LRRC4C: variants seen among roughly 807,000 people sequenced by gnomAD.
LRRC4C encodes the protein leucine-rich repeat-containing protein 4C.
A neutral mutation model predicts 33.6 loss-of-function variants in LRRC4C; 5 were observed. The ratio of observed to expected loss-of-function variants is 0.15; its 90% CI spans 0.08 to 0.31. The LOEUF (loss-of-function observed/expected upper bound fraction) is 0.31. Among genes scored for constraint, LRRC4C ranks in the 10% least tolerant of loss-of-function variants. The probability of loss-of-function intolerance (pLI) is 1.00; values close to 1 mark genes in which losing one functional copy is unlikely to be tolerated. For missense variants in LRRC4C, 560 were observed against 796.7 expected (o/e 0.70, Z 3.58); for synonymous variants, 329 against 302.0 (o/e 1.09, Z -0.93).
chr11:40,336,883 A>G (rs1283600642), intron 3 of LRRC4C, among the ~76,000 whole-genome samples: 3 of 146,940 alleles, frequency 2.0e-5, no homozygotes, highest in East Asian at 2.1e-4. Flanking sequence ...AGGCTGAGGC[A>G]GGAGAATGGC....
chr11:40,860,280 A>G (rs1194925299), intron 2 of LRRC4C, among the ~76,000 whole-genome samples: 11 of 152,126 alleles, frequency 7.2e-5, no homozygotes, highest in Admixed American at 5.2e-4. Context: ...TAGAGGGAAT[A>G]TAAGTGTATC....
At chr11:41,011,979 T>A (rs55774938) in intron 1 of LRRC4C, among the ~76,000 whole-genome samples, 6,008 of 150,770 alleles carry the variant, frequency 0.04, 166 homozygotes, top group South Asian at 0.098. Context: ...GATGTGTATA[T>A]TTTTTCAGGG....
intron 1 of LRRC4C, among the ~76,000 whole-genome samples, chr11:41,326,807 G>A (rs1951134109): frequency 6.6e-6 from 1 of 152,124 alleles, no homozygotes; most frequent in South Asian, 2.1e-4. Context: ...TATGTGTTAA[G>A]AAAAAGGGCT....
chr11:41,233,430 A>T (rs1335678103), intron 1 of LRRC4C, among the ~76,000 whole-genome samples: 3 of 152,000 alleles, frequency 2.0e-5, no homozygotes, highest in African/African-American at 2.4e-5. Flanking sequence ...AGTCATAAAA[A>T]CTCTGCAATA....
At chr11:40,170,750 A>G (rs539300952) in intron 5 of LRRC4C, among the ~76,000 whole-genome samples, 1 of 152,314 alleles carries the variant, frequency 6.6e-6, no homozygotes, top group Non-Finnish European at 1.5e-5. Context: ...GTGAATTTAC[A>G]CTTCTGCCTT....
chr11:40,866,375 A>AATGTTAAT (rs1954371057), intron 2 of LRRC4C, among the ~76,000 whole-genome samples: 1 of 152,188 alleles, frequency 6.6e-6, no homozygotes, highest in Non-Finnish European at 1.5e-5. Context: ...CAAAGCATTA[A>AATGTTAAT]ATGTTAATGA....
chr11:40,128,608 A>G (rs1856427581), intron 6 of LRRC4C, among the ~76,000 whole-genome samples: 1 of 152,114 alleles, frequency 6.6e-6, no homozygotes, highest in Non-Finnish European at 1.5e-5. Flanking sequence ...ACAAAATGCA[A>G]ACTGCTTTGG....
chr11:40,537,896 A>G (rs1360454390), intron 3 of LRRC4C, among the ~76,000 whole-genome samples: 1 of 152,096 alleles, frequency 6.6e-6, no homozygotes, highest in Non-Finnish European at 1.5e-5. Context: ...AGCCCTGTCT[A>G]CTCAGCTGCA....
intron 2 of LRRC4C, among the ~76,000 whole-genome samples, chr11:40,765,915 A>G (rs1377884413): frequency 1.3e-5 from 2 of 152,070 alleles, no homozygotes; most frequent in Non-Finnish European, 2.9e-5. Context: ...AGTTTATTCA[A>G]AGGGATAATA....
At chr11:40,344,904 G>C (rs558264676) in intron 3 of LRRC4C, among the ~76,000 whole-genome samples, 37 of 151,932 alleles carry the variant, frequency 2.4e-4, no homozygotes, top group Non-Finnish European at 4.6e-4. Flanking sequence ...TCATTCACAA[G>C]AGCTACAAAG....
chr11:40,714,186 C>A (rs1219474690), intron 2 of LRRC4C, among the ~76,000 whole-genome samples: 2 of 152,112 alleles, frequency 1.3e-5, no homozygotes, highest in East Asian at 1.9e-4. Context: ...GATGACTGTA[C>A]CCTGGCAACA....
intron 5 of LRRC4C, among the ~76,000 whole-genome samples, chr11:40,155,444 T>G (rs2135284952): frequency 6.6e-6 from 1 of 151,872 alleles, no homozygotes; most frequent in African/African-American, 2.4e-5. Context: ...TACATAAAAT[T>G]GATAGACCAT....
At chr11:40,627,353 A>G (rs577180803) in intron 3 of LRRC4C, among the ~76,000 whole-genome samples, 2 of 152,214 alleles carry the variant, frequency 1.3e-5, no homozygotes, top group East Asian at 1.9e-4. Context: ...TGAAACATCA[A>G]TTATGATTTT....
intron 3 of LRRC4C, among the ~76,000 whole-genome samples, chr11:40,367,507 C>T (rs1948262741): frequency 6.6e-6 from 1 of 151,858 alleles, no homozygotes; most frequent in South Asian, 2.1e-4. Context: ...TTTCACAATG[C>T]AATGCATGGA....
At chr11:40,737,109 T>G (rs1947909885) in intron 2 of LRRC4C, among the ~76,000 whole-genome samples, 1 of 152,038 alleles carries the variant, frequency 6.6e-6, no homozygotes, top group South Asian at 2.1e-4. Context: ...TAAGTTTTCT[T>G]CTATGGTTTT....
intron 3 of LRRC4C, among the ~76,000 whole-genome samples, chr11:40,468,146 G>A (rs1162563045): frequency 2.6e-5 from 4 of 152,122 alleles, no homozygotes; most frequent in Non-Finnish European, 5.9e-5. Context: ...ATATATAAAT[G>A]ATTAACTGAA....
At chr11:40,767,268 A>ATAGTATAAC (rs1196182586) in intron 2 of LRRC4C, among the ~76,000 whole-genome samples, 1 of 152,182 alleles carries the variant, frequency 6.6e-6, no homozygotes, top group Admixed American at 6.6e-5. Context: ...ATTCAGCAAA[A>ATAGTATAAC]TAGTATAACA....
intron 1 of LRRC4C, among the ~76,000 whole-genome samples, chr11:41,205,684 T>C (rs1330725898): frequency 6.6e-6 from 1 of 152,186 alleles, no homozygotes; most frequent in African/African-American, 2.4e-5. Context: ...AAAAAACTTA[T>C]AATAACCTTC....
At chr11:41,047,183 TATAAC>T (rs1172098584) in intron 1 of LRRC4C, among the ~76,000 whole-genome samples, 1 of 151,976 alleles carries the variant, frequency 6.6e-6, no homozygotes, top group Non-Finnish European at 1.5e-5. Context: ...TAAAAAGACA[TATAAC>T]ATAATTAAAA....
Sources: gnomAD v4.1 joint callset for allele counts (sites outside exome capture counted in the v4.1 genomes callset) on GRCh38, gnomAD v4.1.1 for gene constraint, MANE v1.5 for transcripts, NCBI Gene and HGNC (gene_info 2026-07-23, HGNC 2026-07-21) for gene names.